The following PDE4D variants were observed in gnomAD, a reference collection of about 807,000 sequenced individuals.
The protein encoded by PDE4D is 3',5'-cyclic-AMP phosphodiesterase 4D.
Under a neutral mutation model 87.4 loss-of-function variants are expected in PDE4D, and 24 were observed. The ratio of observed to expected loss-of-function variants is 0.27; its 90% CI spans 0.20 to 0.39. PDE4D has a LOEUF of 0.39. Among genes scored for constraint, PDE4D ranks in the 10% least tolerant of loss-of-function variants. The probability of loss-of-function intolerance (pLI) is 1.00; values close to 1 mark genes in which losing one functional copy is unlikely to be tolerated. For missense variants in PDE4D, 714 were observed against 1,041.0 expected, an observed-to-expected ratio of 0.69 and a Z score of 4.32; for synonymous variants, 384 against 383.2, an observed-to-expected ratio of 1.00 and a Z score of -0.02.
At chr5:59,639,908 C>T (rs910775584) in intron 1 of PDE4D, among the ~76,000 whole-genome samples, 6 of 144,946 alleles carry the variant, frequency 4.1e-5, no homozygotes, top group African/African-American at 1.0e-4. Context: ...CCAGTCACTG[C>T]ATTTGATGTA....
chr5:60,446,024 T>C (rs947297773), intron 1 of PDE4D, among the ~76,000 whole-genome samples: 2 of 152,162 alleles, frequency 1.3e-5, no homozygotes, highest in African/African-American at 4.8e-5. Flanking sequence ...GGAACATTGA[T>C]AGGCAATTTG....
chr5:59,549,307 T>C (rs1265571939), intron 1 of PDE4D, among the ~76,000 whole-genome samples: 1 of 152,182 alleles, frequency 6.6e-6, no homozygotes, highest in Non-Finnish European at 1.5e-5. Context: ...GTGTTTTTCA[T>C]TCACTATCAC....
At chr5:60,390,349 CCAACAGTA>C (rs1762477130) in intron 1 of PDE4D, among the ~76,000 whole-genome samples, 1 of 152,182 alleles carries the variant, frequency 6.6e-6, no homozygotes, top group African/African-American at 2.4e-5. Context: ...CCAACCTTTG[CCAACAGTA>C]CTCTGTGACC....
intron 1 of PDE4D, among the ~76,000 whole-genome samples, chr5:59,885,389 G>A (rs1409441632): frequency 6.6e-6 from 1 of 152,024 alleles, no homozygotes; most frequent in African/African-American, 2.4e-5. Flanking sequence ...GACCTTATCT[G>A]TCTGAAGTGT....
chr5:59,474,833 T>C (rs1023370974), intron 1 of PDE4D, among the ~76,000 whole-genome samples: 4 of 152,108 alleles, frequency 2.6e-5, no homozygotes, highest in Admixed American at 2.6e-4. Context: ...AAAAAGTTAA[T>C]TTTTTGCAGT....
chr5:59,291,126 T>C (rs950250335), intron 1 of PDE4D, among the ~76,000 whole-genome samples: 2 of 152,048 alleles, frequency 1.3e-5, no homozygotes, highest in African/African-American at 4.8e-5. Context: ...GAGTTATCTA[T>C]ACTCCCATGT....
rs894805834 is a variant in PDE4D, at chr5:59,295,927, G to A, written c.456-79959C>T. Among the ~76,000 whole-genome samples, 6 of 152,176 alleles carry A rather than the reference G, an allele frequency of 3.9e-5. No homozygotes were observed. The South Asian group carries it at 6.2e-4, about 16-fold the overall frequency. ...CAGTGTCAGGATAATAAGGACTCAT[G>A]GGGGTGGGAAATATTGTAAATACAA... On this transcript the variant is annotated intron_variant, in intron 1 of 14. Transcript: ENST00000340635.
At chr5:59,095,691 T>C (rs59490646) in intron 5 of PDE4D, among the ~76,000 whole-genome samples, 7,332 of 152,282 alleles carry the variant, frequency 0.048, 591 homozygotes, top group African/African-American at 0.17. Context: ...ACCAGGACTT[T>C]ACTTGCACAA....
intron 1 of PDE4D, among the ~76,000 whole-genome samples, chr5:59,892,368 C>T (rs1204435633): frequency 6.6e-6 from 1 of 152,158 alleles, no homozygotes. Context: ...CTACGTCTTG[C>T]CTGCTGCTAA....
At chr5:59,251,573 T>C (rs1273748732) in intron 1 of PDE4D, among the ~76,000 whole-genome samples, 1 of 152,146 alleles carries the variant, frequency 6.6e-6, no homozygotes, top group Non-Finnish European at 1.5e-5. Flanking sequence ...TACAAACTTT[T>C]GGTGGGAGTG....
At chr5:59,053,638 G>GTTTTTTTTTTTTTTTTTTTTTTTTT (rs1205199951) in intron 5 of PDE4D, among the ~76,000 whole-genome samples, 1 of 84,702 alleles carries the variant, frequency 1.2e-5, no homozygotes, top group African/African-American at 5.1e-5. Context: ...AAGTTGTTTT[G>GTTTTTTTTTTTTTTTTTTTTTTTTT]TTTTTTGTTT....
intron 1 of PDE4D, among the ~76,000 whole-genome samples, chr5:60,390,243 G>A (rs1762471838): frequency 6.6e-6 from 1 of 152,168 alleles, no homozygotes; most frequent in Non-Finnish European, 1.5e-5. Context: ...TAGCTTTAGG[G>A]GGATAGTGGT....
At chr5:60,147,619 C>T in intron 2 of PDE4D, 1 of 279,142 alleles carries the variant, frequency 3.6e-6, no homozygotes, top group South Asian at 3.0e-5. Flanking sequence ...TTACCTCACA[C>T]AGTTTCTAAG....
At chr5:60,401,013 G>C (rs1741031042) in intron 1 of PDE4D, among the ~76,000 whole-genome samples, 1 of 152,204 alleles carries the variant, frequency 6.6e-6, no homozygotes, top group Admixed American at 6.5e-5. Context: ...TTTTAAAACA[G>C]AGCCAGTTTT....
chr5:60,126,497 T>C (rs1291901677), intron 2 of PDE4D, among the ~76,000 whole-genome samples: 4 of 152,084 alleles, frequency 2.6e-5, no homozygotes, highest in Non-Finnish European at 5.9e-5. Context: ...AAAAATGAAA[T>C]GGGAATAAAT....
intron 1 of PDE4D, among the ~76,000 whole-genome samples, chr5:60,236,586 G>A (rs1313172450): frequency 6.6e-6 from 1 of 151,882 alleles, no homozygotes; most frequent in Admixed American, 6.6e-5. Flanking sequence ...ATGGCAAAGG[G>A]GGCTGTGGTT....
intron 1 of PDE4D, among the ~76,000 whole-genome samples, chr5:60,445,003 C>T (rs761630697): frequency 4.0e-5 from 6 of 151,432 alleles, no homozygotes; most frequent in Non-Finnish European, 7.4e-5. Flanking sequence ...TTGTTATAGG[C>T]AAAGGGCTCA....
At chr5:59,735,753 A>G (rs1373934708) in intron 1 of PDE4D, among the ~76,000 whole-genome samples, 1 of 151,760 alleles carries the variant, frequency 6.6e-6, no homozygotes, top group African/African-American at 2.4e-5. Flanking sequence ...TGAAACCTCC[A>G]CCTCCCTGGT....
At chr5:59,261,658 T>C (rs368784927) in intron 1 of PDE4D, among the ~76,000 whole-genome samples, 1 of 151,832 alleles carries the variant, frequency 6.6e-6, no homozygotes, top group Non-Finnish European at 1.5e-5. Flanking sequence ...CCTTTTTGTG[T>C]TCCCTCTCTA....
Sources: gnomAD v4.1 joint callset for allele counts (sites outside exome capture counted in the v4.1 genomes callset) on GRCh38, gnomAD v4.1.1 for gene constraint, MANE v1.5 for transcripts, NCBI Gene and HGNC (gene_info 2026-07-23, HGNC 2026-07-21) for gene names.